The following MPP4 variants were observed in gnomAD, a reference collection of about 807,000 sequenced individuals.
MPP4 encodes the protein MAGUK p55 subfamily member 4.
A neutral mutation model predicts 98.3 loss-of-function variants in MPP4; 91 were observed. That is an observed-to-expected ratio of 0.93 (90% confidence interval 0.78 to 1.10). MPP4 has a LOEUF of 1.10. MPP4 is among the 50% of genes least tolerant of loss of function. The pLI is 0.00. For missense variants in MPP4, 744 were observed against 792.9 expected (o/e 0.94, Z 0.74); for synonymous variants, 261 against 271.8 (o/e 0.96, Z 0.39).
intron 3 of MPP4, among the ~76,000 whole-genome samples, chr2:201,692,543 CAAAAAAAA>C (rs10618429): frequency 7.7e-6 from 1 of 129,820 alleles, no homozygotes; most frequent in Non-Finnish European, 1.7e-5. Context: ...GACTCTGTCT[CAAAAAAAA>C]AAAAAAAAAA....
In MPP4 at chr2:201,668,595, C is replaced by T. The variant is rs28369049; in HGVS notation, c.1012+1138G>A. 8.8e-3 allele frequency among the ~76,000 whole-genome samples: 1,347 copies of T among 152,220 alleles called. 18 individuals are homozygous for T. The highest frequency in any genetic ancestry group is 0.03 in the African/African-American group (1,253 of 41,522). ...TGGCTGTCTGCAAGCCAGGAAGAGG[C>T]CTTACCAGAAACCAACCCTGCTGGA... On this transcript the variant is annotated intron_variant, in intron 12 of 21. Transcript: ENST00000409474.
intron 2 of MPP4, among the ~76,000 whole-genome samples, 195 bp downstream of exon 2, chr2:201,693,681 A>T (rs1024159037): frequency 6.6e-6 from 1 of 152,220 alleles, no homozygotes; most frequent in Non-Finnish European, 1.5e-5. Context: ...TGAATCCATC[A>T]TGTCCATTTA....
chr2:201,667,696 A>G (rs1688221312), intron 12 of MPP4, among the ~76,000 whole-genome samples: 1 of 152,208 alleles, frequency 6.6e-6, no homozygotes, highest in African/African-American at 2.4e-5. Context: ...AAGCTTATAC[A>G]TGTTCCAAAA....
chr2:201,675,364 A>T, intron 10 of MPP4, 93 bp from the exon 11 acceptor site: 1 of 1,249,230 alleles, frequency 8.0e-7, no homozygotes, highest in Non-Finnish European at 1.1e-6. Context: ...GACAAACAGA[A>T]TGTTTCTTAG....
At chr2:201,697,987 C>T in intron 1 of MPP4, 1 of 985,330 alleles carries the variant, frequency 1.0e-6, no homozygotes, top group Non-Finnish European at 1.2e-6. Context: ...TCTATTTCTG[C>T]TATCTTGAGA....
At chr2:201,670,253 G>A (rs1025348772) in intron 11 of MPP4, among the ~76,000 whole-genome samples, 4 of 152,086 alleles carry the variant, frequency 2.6e-5, no homozygotes, top group Non-Finnish European at 2.9e-5. Flanking sequence ...CTATATCTTT[G>A]GACTCAGTAG....
At chr2:201,681,142 A>G (rs1688654649) in intron 9 of MPP4, 108 bp from the exon 10 acceptor site, 2 of 1,098,842 alleles carry the variant, frequency 1.8e-6, no homozygotes. Flanking sequence ...CCACTCCTCC[A>G]CCTGCTACTC....
At chr2:201,667,469 G>A (rs574520657) in intron 12 of MPP4, among the ~76,000 whole-genome samples, 6 of 152,332 alleles carry the variant, frequency 3.9e-5, no homozygotes, top group Admixed American at 3.3e-4. Context: ...GCTTCTTGAA[G>A]ACAGGGACTG....
intron 7 of MPP4, 145 bp from the exon 8 acceptor site, chr2:201,683,061 G>A: frequency 3.4e-6 from 2 of 586,554 alleles, no homozygotes; most frequent in Non-Finnish European, 5.9e-6. Context: ...AAGAAAGCTG[G>A]TTATTCCAAC....
At chr2:201,688,749 A>T (rs1299699485) in intron 4 of MPP4, among the ~76,000 whole-genome samples, 1 of 152,046 alleles carries the variant, frequency 6.6e-6, no homozygotes, top group Non-Finnish European at 1.5e-5. Flanking sequence ...CTGGGATTAC[A>T]GGCATGCACC....
At chr2:201,663,580 G>A (rs901047154) in intron 14 of MPP4, among the ~76,000 whole-genome samples, 4 of 152,178 alleles carry the variant, frequency 2.6e-5, no homozygotes, top group African/African-American at 4.8e-5. Flanking sequence ...GCCACGCATG[G>A]TGGCATGGGA....
At position 201,685,053 on chromosome 2, in the gene MPP4, C is replaced by T; in HGVS notation, c.574+11G>A. The T allele has an allele frequency of 2.5e-6, 4 of 1,609,562 alleles. No individual in the cohort carries two copies. Among genetic ancestry groups the T allele is most frequent in the South Asian group, 1.1e-5 (1 of 89,714 alleles). Reference sequence around the variant, plus strand: ...TTCTGGTAACTCTCAATCCCAGCTGCTCCAGCTTACCACTTCTCTCCGCCA... The same window carrying T: ...TTCTGGTAACTCTCAATCCCAGCTGTTCCAGCTTACCACTTCTCTCCGCCA... On this transcript the variant is annotated intron_variant, in intron 7 of 21. Transcript: ENST00000409474.
intron 4 of MPP4, among the ~76,000 whole-genome samples, chr2:201,688,546 T>C (rs1018031262): frequency 2.0e-5 from 3 of 152,168 alleles, no homozygotes; most frequent in South Asian, 2.1e-4. Context: ...GGCAAGAGCA[T>C]TGCTGACATA....
intron 4 of MPP4, among the ~76,000 whole-genome samples, chr2:201,689,677 A>G (rs1329397503): frequency 6.6e-6 from 1 of 152,158 alleles, no homozygotes; most frequent in Non-Finnish European, 1.5e-5. Flanking sequence ...AATGACCCCT[A>G]AGATTCTGGC....
intron 1 of MPP4, among the ~76,000 whole-genome samples, chr2:201,695,281 G>C (rs1230073332): frequency 6.6e-6 from 1 of 152,114 alleles, no homozygotes; most frequent in Non-Finnish European, 1.5e-5. Flanking sequence ...AAGGGATTAA[G>C]AAAACACGGG....
Position 201,645,350 on chromosome 2 carries a change from C to T in MPP4, c.1774G>A (p.Gly592Ser). 1 of 1,613,940 alleles carries T rather than the reference C, an allele frequency of 6.2e-7. No individual in the cohort carries two copies. Among genetic ancestry groups the T allele is most frequent in the Non-Finnish European group, 8.5e-7 (1 of 1,179,844 alleles). ...NLAQRMETQF[G>S]QFFDHVIVND... ...ACAATCACATGATCAAAAAATTGGC[C>T]AAACTGAGTTTCCATTCTTTGGGCT... Residue 592 changes from glycine (G) to serine (S), a missense_variant, in exon 22 of 22, where the codon GGC (glycine) becomes AGC (serine). Transcript: ENST00000409474.
intron 18 of MPP4, among the ~76,000 whole-genome samples, chr2:201,653,109 T>G (rs527837109): frequency 6.6e-6 from 1 of 152,166 alleles, no homozygotes. Flanking sequence ...AGGAATCATA[T>G]AACCCTGGGC....
In MPP4 at chr2:201,680,951, C is replaced by G. The variant is rs1008785212; in HGVS notation, c.816G>C (p.Lys272Asn). ...PCMDAGLPFQ[K>N]GDILQIVDQN... is the part of the protein sequence containing the mutation. ...GGTCCACAATCTGGAGGATGTCCCC[C>G]TTCTGGAAAGGCAATCCAGCGTCCA... is the stretch of plus-strand genomic sequence containing the variant. The change falls in exon 10 of 22, where the codon AAG becomes AAC. Residue 272 changes from lysine to asparagine, a missense_variant. Physicochemically the swap from Lys to Asn is moderately conservative, Grantham distance 94. Coordinates refer to ENST00000409474, the MANE Select transcript of MPP4 (RefSeq NM_033066.3). 1.9e-5 allele frequency: 30 copies of G among 1,613,792 alleles called. No homozygotes were observed. The highest frequency in any genetic ancestry group is 2.5e-5 in the Non-Finnish European group (29 of 1,179,874).
At chr2:201,657,001 T>C (rs1161782020) in intron 16 of MPP4, among the ~76,000 whole-genome samples, 1 of 152,212 alleles carries the variant, frequency 6.6e-6, no homozygotes, top group Non-Finnish European at 1.5e-5. Flanking sequence ...ACAGGGCCTC[T>C]GAAAGTGTTG....
Sources: gnomAD v4.1 joint callset for allele counts (sites outside exome capture counted in the v4.1 genomes callset) on GRCh38, gnomAD v4.1.1 for gene constraint, MANE v1.5 for transcripts, NCBI Gene and HGNC (gene_info 2026-07-23, HGNC 2026-07-21) for gene names.